The following LRMDA variants were observed in gnomAD, a reference collection of about 807,000 sequenced individuals.
The protein encoded by LRMDA is leucine rich melanocyte differentiation associated.
LRMDA carries 18 observed loss-of-function variants against 29.8 expected under a neutral mutation model. The ratio of observed to expected loss-of-function variants is 0.60; its 90% CI spans 0.42 to 0.90. The LOEUF (loss-of-function observed/expected upper bound fraction) is 0.90. LRMDA is among the 40% of genes least tolerant of loss of function. The pLI is 0.00. For missense variants in LRMDA, 273 were observed against 273.9 expected (o/e 1.00, Z 0.02); for synonymous variants, 125 against 109.4 (o/e 1.14, Z -0.89).
intron 1 of LRMDA, among the ~76,000 whole-genome samples, chr10:75,434,118 G>A (rs1844238303): frequency 6.6e-6 from 1 of 152,096 alleles, no homozygotes; most frequent in Non-Finnish European, 1.5e-5. Flanking sequence ...CTTTCCTCTA[G>A]CTTATGACAA....
At chr10:76,012,654 C>T (rs766791775) in intron 2 of LRMDA, among the ~76,000 whole-genome samples, 18 of 152,098 alleles carry the variant, frequency 1.2e-4, no homozygotes, top group Non-Finnish European at 1.5e-4. Context: ...CAGTTCACAA[C>T]GAGGCAGTGC....
intron 6 of LRMDA, among the ~76,000 whole-genome samples, chr10:76,386,405 G>A (rs2132478059): frequency 6.6e-6 from 1 of 152,310 alleles, no homozygotes; most frequent in East Asian, 1.9e-4. Flanking sequence ...AATACTAATA[G>A]TCTGTCTTCT....
chr10:76,012,732 G>T (rs1425242936), intron 2 of LRMDA, among the ~76,000 whole-genome samples: 1 of 152,136 alleles, frequency 6.6e-6, no homozygotes, highest in South Asian at 2.1e-4. Flanking sequence ...TCATTAAGTG[G>T]TGTCCTTCCT....
At chr10:75,755,145 A>G (rs1193521443) in intron 2 of LRMDA, among the ~76,000 whole-genome samples, 1 of 151,644 alleles carries the variant, frequency 6.6e-6, no homozygotes, top group Non-Finnish European at 1.5e-5. Context: ...CCTTCCCTTC[A>G]TCTACTGTCA....
At chr10:75,689,924 A>G (rs1290900054) in intron 2 of LRMDA, among the ~76,000 whole-genome samples, 4 of 151,998 alleles carry the variant, frequency 2.6e-5, no homozygotes, top group African/African-American at 9.7e-5. Context: ...GAATCTTCAC[A>G]TTGGACTAGA....
At chr10:75,585,234 G>A (rs908086052) in intron 2 of LRMDA, among the ~76,000 whole-genome samples, 3 of 152,188 alleles carry the variant, frequency 2.0e-5, no homozygotes, top group Non-Finnish European at 4.4e-5. Context: ...AAAACTTTGT[G>A]TAAATGGAAT....
At chr10:75,440,653 A>T (rs538073285) in intron 2 of LRMDA, among the ~76,000 whole-genome samples, 72 of 152,118 alleles carry the variant, frequency 4.7e-4, no homozygotes, top group Non-Finnish European at 8.2e-4. Flanking sequence ...AGAAGATTCG[A>T]GCTTATTTGG....
At chr10:76,325,664 C>T (rs1840825318) in intron 6 of LRMDA, among the ~76,000 whole-genome samples, 2 of 152,038 alleles carry the variant, frequency 1.3e-5, no homozygotes, top group African/African-American at 2.4e-5. Flanking sequence ...TTATTGGTTT[C>T]TTGTATTTGA....
At chr10:76,070,266 G>T (rs1165188102) in intron 5 of LRMDA, among the ~76,000 whole-genome samples, 1 of 152,150 alleles carries the variant, frequency 6.6e-6, no homozygotes, top group Non-Finnish European at 1.5e-5. Context: ...AGATGCTGGG[G>T]GGCAGGTACC....
At chr10:75,753,116 G>A (rs1269758252) in intron 2 of LRMDA, among the ~76,000 whole-genome samples, 1 of 152,100 alleles carries the variant, frequency 6.6e-6, no homozygotes, top group African/African-American at 2.4e-5. Context: ...AATGGGTGTT[G>A]TTGCAAGTTA....
At chr10:75,943,985 C>T (rs1323221825) in intron 2 of LRMDA, among the ~76,000 whole-genome samples, 4 of 152,068 alleles carry the variant, frequency 2.6e-5, no homozygotes, top group Admixed American at 6.6e-5. Flanking sequence ...TACATGTTAC[C>T]CCATATTTGT....
intron 2 of LRMDA, among the ~76,000 whole-genome samples, chr10:75,621,199 T>TAC (rs753933285): frequency 0.017 from 2,330 of 136,724 alleles, 33 homozygotes; most frequent in African/African-American, 0.046. Flanking sequence ...AGTATTCCAT[T>TAC]ACACACACAC....
intron 2 of LRMDA, among the ~76,000 whole-genome samples, chr10:76,015,038 C>T (rs1458426555): frequency 6.6e-6 from 1 of 152,200 alleles, no homozygotes; most frequent in Non-Finnish European, 1.5e-5. Context: ...TGTACAGTCC[C>T]TCCTTGTGTA....
At position 76,132,966 on chromosome 10, in the gene LRMDA, C is replaced by CTTTTT. The variant is rs35997711; in HGVS notation, c.516+74207_516+74211dup. ...TACAGGCATCCACCACCACGCCCGG[C>CTTTTT]TTTTTTTTTTTTTTTTTTTTTTTTT... On this transcript the variant is annotated intron_variant, in intron 5 of 6. Transcript: ENST00000611255. 2.7e-3 allele frequency among the ~76,000 whole-genome samples: 155 copies of CTTTTT among 57,378 alleles called. 1 individual carries two copies. The highest frequency in any genetic ancestry group is 3.6e-3 in the Non-Finnish European group (116 of 31,956). The allele number at this position is 57,378 out of a possible 152,430, so 37.6% of individuals were successfully genotyped here.
intron 6 of LRMDA, among the ~76,000 whole-genome samples, chr10:76,467,693 G>A (rs1842577675): frequency 6.6e-6 from 1 of 152,058 alleles, no homozygotes; most frequent in Non-Finnish European, 1.5e-5. Context: ...TTTTTCTCCT[G>A]GGATGCTATG....
chr10:76,086,090 G>A (rs1414713208), intron 5 of LRMDA, among the ~76,000 whole-genome samples: 1 of 152,212 alleles, frequency 6.6e-6, no homozygotes, highest in Non-Finnish European at 1.5e-5. Context: ...CTGGGGACCA[G>A]TGAACACATA....
chr10:76,515,728 C>T (rs1197213430), intron 6 of LRMDA, among the ~76,000 whole-genome samples: 1 of 152,144 alleles, frequency 6.6e-6, no homozygotes, highest in Non-Finnish European at 1.5e-5. Context: ...TGGTCTTGAA[C>T]TCCTGGACTC....
chr10:75,847,449 C>T (rs1298315893), intron 2 of LRMDA, among the ~76,000 whole-genome samples: 1 of 152,012 alleles, frequency 6.6e-6, no homozygotes, highest in Non-Finnish European at 1.5e-5. Context: ...GTGGATTAAG[C>T]AATGATATTG....
chr10:75,996,031 C>G (rs1359591697), intron 2 of LRMDA, among the ~76,000 whole-genome samples: 1 of 152,158 alleles, frequency 6.6e-6, no homozygotes, highest in Non-Finnish European at 1.5e-5. Flanking sequence ...ACTCACCAAC[C>G]CATGTTTAAG....
Sources: allele counts gnomAD v4.1 joint callset (sites outside exome capture counted in the v4.1 genomes callset), GRCh38; gene constraint gnomAD v4.1.1; transcripts MANE v1.5; gene names NCBI Gene and HGNC (gene_info 2026-07-23, HGNC 2026-07-21).